The following YLPM1 variants were observed in gnomAD, a reference collection of about 807,000 sequenced individuals.
The protein encoded by YLPM1 is YLP motif containing 1.
Under a neutral mutation model 230.0 loss-of-function variants are expected in YLPM1, and 99 were observed. The observed-to-expected ratio is 0.43, with a 90% CI of 0.37 to 0.51. The LOEUF (loss-of-function observed/expected upper bound fraction) is 0.51. YLPM1 is among the 20% of genes least tolerant of loss of function. The pLI, the probability that YLPM1 is intolerant of heterozygous loss-of-function variation, is 0.00. For missense variants in YLPM1, 2,592 were observed against 2,707.7 expected, an observed-to-expected ratio of 0.96 and a Z score of 0.95; for synonymous variants, 984 against 942.5, an observed-to-expected ratio of 1.04 and a Z score of -0.81.
chr14:74,772,581 A>G (rs1023162255), intron 1 of YLPM1, among the ~76,000 whole-genome samples: 7 of 151,560 alleles, frequency 4.6e-5, no homozygotes, highest in African/African-American at 1.7e-4. Flanking sequence ...CTGGTCTCGA[A>G]CTCCTCACCT....
chr14:74,786,305 T>C (rs2091149714), intron 4 of YLPM1, among the ~76,000 whole-genome samples: 1 of 141,110 alleles, frequency 7.1e-6, no homozygotes, highest in Admixed American at 7.9e-5. Flanking sequence ...GAGGTTGCAG[T>C]GAGCCAAGAT....
At chr14:74,820,978 T>G in intron 16 of YLPM1, 79 bp from the exon 17 acceptor site, 2 of 1,381,360 alleles carry the variant, frequency 1.4e-6, no homozygotes, top group Non-Finnish European at 1.9e-6. Flanking sequence ...ACTGTATTCA[T>G]TCCAGATCTC....
At chr14:74,831,052 G>A (rs553054774) in intron 19 of YLPM1, among the ~76,000 whole-genome samples, 2 of 152,256 alleles carry the variant, frequency 1.3e-5, no homozygotes, top group South Asian at 2.1e-4. Context: ...ATAATTGCCT[G>A]TTTTTCTACA....
intron 18 of YLPM1, chr14:74,827,402 T>A: frequency 1.0e-6 from 1 of 985,404 alleles, no homozygotes; most frequent in Non-Finnish European, 1.2e-6. Context: ...TGAGCCTTTC[T>A]TCAGCCCAAG....
rs371705328 is a variant in YLPM1, at chr14:74,798,159, T to C, written c.2862T>C (p.Ala954=). The C allele has an allele frequency of 6.2e-7, 1 of 1,613,850 alleles. No individual in the cohort carries two copies. The highest frequency in any genetic ancestry group is 1.3e-5 in the African/African-American group (1 of 74,904). The change falls in exon 5 of 21, where the codon GCT becomes GCC. Residue 954 remains alanine, a synonymous_variant. Coordinates refer to ENST00000325680, the MANE Select transcript of YLPM1 (RefSeq NM_019589.3). ...PVPLANKPVP[A]QSTFPSKTGG... Reference sequence around the variant, plus strand: ...CCCTTGCGAATAAGCCTGTACCTGCTCAATCTACTTTTCCTTCAAAAACAG... The same window carrying C: ...CCCTTGCGAATAAGCCTGTACCTGCCCAATCTACTTTTCCTTCAAAAACAG...
At chr14:74,834,006 T>C (rs1265162611) in intron 19 of YLPM1, among the ~76,000 whole-genome samples, 2 of 152,158 alleles carry the variant, frequency 1.3e-5, no homozygotes, top group African/African-American at 4.8e-5. Flanking sequence ...TTTAAGAATC[T>C]GAACTTTTAC....
At chr14:74,769,915 G>C (rs1293376499) in intron 1 of YLPM1, among the ~76,000 whole-genome samples, 1 of 149,310 alleles carries the variant, frequency 6.7e-6, no homozygotes, top group Non-Finnish European at 1.5e-5. Flanking sequence ...GGGCGCAGTG[G>C]CTCACGCCTG....
chr14:74,810,103 C>A, intron 8 of YLPM1, 101 bp downstream of exon 8: 1 of 1,452,002 alleles, frequency 6.9e-7, no homozygotes. Flanking sequence ...TTTAATACAG[C>A]TAAAAGATTC....
intron 4 of YLPM1, among the ~76,000 whole-genome samples, chr14:74,787,601 G>A (rs2140096658): frequency 6.6e-6 from 1 of 151,868 alleles, no homozygotes; most frequent in Non-Finnish European, 1.5e-5. Flanking sequence ...ACTAAACGCT[G>A]CAGTAAGACA....
intron 1 of YLPM1, among the ~76,000 whole-genome samples, chr14:74,769,860 C>A (rs546803733): frequency 1.0e-5 from 1 of 97,594 alleles, no homozygotes; most frequent in Non-Finnish European, 2.2e-5. Context: ...CACCCCCCCC[C>A]CCGCCCCCCG....
At chr14:74,834,154 G>C (rs539374670) in intron 19 of YLPM1, among the ~76,000 whole-genome samples, 38 of 147,562 alleles carry the variant, frequency 2.6e-4, no homozygotes, top group African/African-American at 9.6e-4. Flanking sequence ...TTTGAGACCA[G>C]CCTGGGCAAC....
intron 15 of YLPM1, 34 bp downstream of exon 15, chr14:74,817,311 A>G: frequency 1.3e-6 from 2 of 1,533,900 alleles, no homozygotes; most frequent in East Asian, 2.4e-5. Context: ...ATAGAGTACT[A>G]TCATGCGCTG....
intron 4 of YLPM1, among the ~76,000 whole-genome samples, chr14:74,788,481 TAA>T (rs1393420704): frequency 2.0e-5 from 3 of 152,216 alleles, no homozygotes; most frequent in African/African-American, 7.2e-5. Flanking sequence ...AAATATGTGA[TAA>T]GATAAGGTCC....
At chr14:74,782,933 T>A (rs530985928) in intron 4 of YLPM1, among the ~76,000 whole-genome samples, 1 of 152,276 alleles carries the variant, frequency 6.6e-6, no homozygotes, top group African/African-American at 2.4e-5. Flanking sequence ...ACAACATATT[T>A]AGAAAGAAAA....
At chr14:74,809,326 C>T in intron 6 of YLPM1, 54 bp from the exon 7 acceptor site, 1 of 1,525,158 alleles carries the variant, frequency 6.6e-7, no homozygotes, top group Middle Eastern at 1.7e-4. Context: ...TTCCACTGAT[C>T]TATAAAAACA....
chr14:74,836,591 AT>A lies in YLPM1; in HGVS notation c.*855del, dbSNP rs1230248880. The stretch of plus-strand genomic sequence containing the variant: ...TTATTTTTTCCTGATCTGGCTTTGA[AT>A]TCTGGTAGACAGAACTGATGTATTC... On this transcript the variant is annotated 3_prime_UTR_variant, in exon 21 of 21. Transcript: ENST00000325680. The A allele has an allele frequency of 6.6e-6, 1 of 152,262 alleles. No individual in the cohort carries two copies. Among genetic ancestry groups the A allele is most frequent in the African/African-American group, 2.4e-5 (1 of 41,320 alleles). The allele number at this position is 152,262 out of a possible 1,614,324, so 9.4% of individuals were successfully genotyped here. A position where few individuals can be genotyped will look rare whatever the true frequency, so the allele number is the denominator to read the frequency against.
intron 16 of YLPM1, 95 bp downstream of exon 16, chr14:74,818,409 A>C (rs2091496142): frequency 1.0e-6 from 1 of 1,001,602 alleles, no homozygotes; most frequent in Admixed American, 2.7e-5. Context: ...AGTTATATGA[A>C]TAGTATTCAT....
At chr14:74,821,232 A>G in intron 17 of YLPM1, 95 bp downstream of exon 17, 3 of 1,424,018 alleles carry the variant, frequency 2.1e-6, no homozygotes, top group Non-Finnish European at 1.8e-6. Flanking sequence ...ACTACTGTTG[A>G]TATACACTTT....
intron 18 of YLPM1, among the ~76,000 whole-genome samples, chr14:74,824,592 T>C (rs564727969): frequency 1.3e-5 from 2 of 152,254 alleles, no homozygotes; most frequent in African/African-American, 4.8e-5. Flanking sequence ...TTCTTTTATA[T>C]TAATCAGAAA....
Sources: allele counts gnomAD v4.1 joint callset (sites outside exome capture counted in the v4.1 genomes callset), GRCh38; gene constraint gnomAD v4.1.1; transcripts MANE v1.5; gene names NCBI Gene and HGNC (gene_info 2026-07-23, HGNC 2026-07-21).